Variants in TVP23C observed in about 807,000 individuals in gnomAD.
TVP23C encodes Golgi apparatus membrane protein TVP23 homolog C.
In TVP23C, 19 loss-of-function variants were observed where a neutral mutation model predicts 28.7. That is an observed-to-expected ratio of 0.66 (90% CI 0.46 to 0.97). The LOEUF (loss-of-function observed/expected upper bound fraction) is 0.97. TVP23C is among the 50% of genes least tolerant of loss of function. The probability of loss-of-function intolerance (pLI) is 0.00; values close to 1 mark genes in which losing one functional copy is unlikely to be tolerated. For synonymous variants in TVP23C, 68 were observed against 81.7 expected, an observed-to-expected ratio of 0.83 and a Z score of 0.90; for missense variants, 186 against 241.3, an observed-to-expected ratio of 0.77 and a Z score of 1.52.
intron 3 of TVP23C, among the ~76,000 whole-genome samples, chr17:15,552,328 A>G (rs907136333): frequency 2.0e-5 from 3 of 152,246 alleles, no homozygotes; most frequent in African/African-American, 7.2e-5. Context: ...CTTCCTTCTC[A>G]GCATTATGCG....
chr17:15,530,638 G>C (rs1329097752), intron 5 of TVP23C: 1 of 152,104 alleles, frequency 6.6e-6, no homozygotes, highest in Non-Finnish European at 1.5e-5. Flanking sequence ...CATGTGGATT[G>C]GAGTTATTGT....
chr17:15,554,897 T>C (rs1485810800), intron 2 of TVP23C, among the ~76,000 whole-genome samples: 1 of 152,246 alleles, frequency 6.6e-6, no homozygotes, highest in Admixed American at 6.5e-5. Context: ...TAGAATTTGC[T>C]TTCGATAAGT....
chr17:15,550,784 A>T (rs1983850412), intron 3 of TVP23C, among the ~76,000 whole-genome samples: 1 of 151,796 alleles, frequency 6.6e-6, no homozygotes, highest in Non-Finnish European at 1.5e-5. Flanking sequence ...GTTTGAGTTG[A>T]TCTTTGCCTT....
rs1291422871 is a variant in TVP23C, at chr17:15,557,428, G to A, written c.13-2064C>T. 2.0e-5 allele frequency among the ~76,000 whole-genome samples: 3 copies of A among 147,410 alleles called. No homozygotes were observed. In the East Asian group the frequency reaches 6.0e-4, roughly 29 times the overall value. On this transcript the variant is annotated intron_variant, in intron 1 of 5. Coordinates refer to ENST00000518321, the MANE Select transcript of TVP23C (RefSeq NM_001135036.2). The stretch of plus-strand genomic sequence containing the variant: ...GTGCCTCAGCCTCCTGAGTAACTGG[G>A]ATTACAGGAGTGTGTCTCGGCTAAT...
At chr17:15,534,348 A>C (rs149650284), downstream of TVP23C, among the ~76,000 whole-genome samples, 3,961 of 152,172 alleles carry the variant, frequency 0.026, 77 homozygotes, top group African/African-American at 0.089. Flanking sequence ...TGGAACGTTT[A>C]GTGAGCATTA....
chr17:15,554,422 A>G (rs1025653419), intron 2 of TVP23C, among the ~76,000 whole-genome samples: 19 of 151,886 alleles, frequency 1.3e-4, no homozygotes, highest in Non-Finnish European at 2.4e-4. Flanking sequence ...TATTTTTAGT[A>G]GAGATGGGGT....
chr17:15,526,791 T>C (rs1273852029), intron 5 of TVP23C, among the ~76,000 whole-genome samples: 1 of 152,164 alleles, frequency 6.6e-6, no homozygotes, highest in African/African-American at 2.4e-5. Context: ...AGAAGAAATG[T>C]TTAAAAAACA....
At chr17:15,519,117 C>A (rs143242414) in intron 5 of TVP23C, among the ~76,000 whole-genome samples, 2 of 152,222 alleles carry the variant, frequency 1.3e-5, no homozygotes, top group East Asian at 3.9e-4. Context: ...TCCACTACAC[C>A]GCTTCTTTTT....
chr17:15,502,763 C>A, exon 6 of TVP23C: 2 of 1,408,260 alleles, frequency 1.4e-6, no homozygotes, highest in East Asian at 2.5e-5. Flanking sequence ...TCTTTCTCTC[C>A]TTCTCCGTCA....
chr17:15,514,055 G>A (rs113923087), intron 5 of TVP23C, among the ~76,000 whole-genome samples: 1,865 of 152,314 alleles, frequency 0.012, 33 homozygotes, highest in African/African-American at 0.042. Context: ...CCAAGAGAAC[G>A]TTCTTATCAC....
chr17:15,524,213 T>C (rs925889208), intron 5 of TVP23C, among the ~76,000 whole-genome samples: 71 of 152,098 alleles, frequency 4.7e-4, no homozygotes, highest in Admixed American at 8.5e-4. Context: ...TGACCTTCCT[T>C]TATGCTTCTC....
At chr17:15,517,043 C>T (rs1215526951) in intron 5 of TVP23C, among the ~76,000 whole-genome samples, 1 of 152,224 alleles carries the variant, frequency 6.6e-6, no homozygotes, top group Non-Finnish European at 1.5e-5. Context: ...GCTGAGCCAA[C>T]CCAAAAGAGG....
intron 5 of TVP23C, among the ~76,000 whole-genome samples, chr17:15,521,029 A>G (rs1450289235): frequency 3.9e-5 from 6 of 152,030 alleles, no homozygotes; most frequent in Non-Finnish European, 1.5e-5. Context: ...AGACCTCTAT[A>G]GAGAAAATTA....
intron 5 of TVP23C, among the ~76,000 whole-genome samples, chr17:15,513,690 T>G (rs1374705602): frequency 6.6e-6 from 1 of 152,220 alleles, no homozygotes; most frequent in African/African-American, 2.4e-5. Context: ...CACCAAATGC[T>G]TAGCTCTTGG....
intron 5 of TVP23C, among the ~76,000 whole-genome samples, chr17:15,524,063 G>GGGGTGTGTGTGTGTGTGTGTGTGT (rs1216462843): frequency 1.5e-5 from 2 of 136,262 alleles, no homozygotes; most frequent in African/African-American, 5.6e-5. Context: ...AGCAGAGTGG[G>GGGGTGTGTGTGTGTGTGTGTGTGT]GTGTGTGTGT....
In TVP23C at chr17:15,540,260, T is replaced by C; in HGVS notation, c.*152A>G. 3 of 1,292,132 alleles carry C rather than the reference T, an allele frequency of 2.3e-6. No homozygotes were observed. Among genetic ancestry groups the C allele is most frequent in the Non-Finnish European group, 2.0e-6 (2 of 1,004,350 alleles). The allele number at this position is 1,292,132 out of a possible 1,614,324, so 80.0% of individuals were successfully genotyped here. ...TAAAATAATTTTAGGATACTGACAA[T>C]ACACTTCCAGACTGTCTTGAACACC... On this transcript the variant is annotated 3_prime_UTR_variant, in exon 6 of 6. Transcript: ENST00000518321.
chr17:15,503,154 C>T, exon 6 of TVP23C: 1 of 1,601,066 alleles, frequency 6.2e-7, no homozygotes, highest in Non-Finnish European at 8.5e-7. Context: ...GTTATCCCAG[C>T]GCTTTGGAAG....
intron 5 of TVP23C, among the ~76,000 whole-genome samples, 190 bp downstream of exon 5, chr17:15,545,595 G>A (rs1408534054): frequency 6.6e-6 from 1 of 152,290 alleles, no homozygotes; most frequent in African/African-American, 2.4e-5. Flanking sequence ...GTGGGAAGGG[G>A]TTTTTTAGGA....
chr17:15,541,860 A>C (rs1567640187), intron 5 of TVP23C, among the ~76,000 whole-genome samples: 1 of 152,192 alleles, frequency 6.6e-6, no homozygotes, highest in Non-Finnish European at 1.5e-5. Context: ...GGTATTGTAT[A>C]TATCAACATG....
Sources: allele counts gnomAD v4.1 joint callset (sites outside exome capture counted in the v4.1 genomes callset), GRCh38; gene constraint gnomAD v4.1.1; transcripts MANE v1.5; gene names NCBI Gene and HGNC (gene_info 2026-07-23, HGNC 2026-07-21).